Variants in PPP1CC observed in about 807,000 individuals in gnomAD.
PPP1CC encodes protein phosphatase 1 catalytic subunit gamma.
PPP1CC carries 16 observed loss-of-function variants against 38.4 expected under a neutral mutation model. The observed-to-expected ratio is 0.42, with a 90% CI of 0.28 to 0.63. The LOEUF (loss-of-function observed/expected upper bound fraction) is 0.63, where lower values mean the gene tolerates loss of function less well. Ranked by LOEUF, PPP1CC falls within the 30% of genes least tolerant of loss-of-function variation. The probability of loss-of-function intolerance (pLI) is 0.25; values close to 1 mark genes in which losing one functional copy is unlikely to be tolerated. For missense variants in PPP1CC, 170 were observed against 391.3 expected (o/e 0.43, Z 4.77); for synonymous variants, 158 against 136.0 (o/e 1.16, Z -1.13).
downstream of PPP1CC, among the ~76,000 whole-genome samples, chr12:110,717,659 G>A (rs1173062883): frequency 6.6e-6 from 1 of 151,888 alleles, no homozygotes; most frequent in African/African-American, 2.4e-5. Flanking sequence ...GCCTCCCAAA[G>A]TGCTGGGATT....
At chr12:110,717,016 G>A (rs1004744961), downstream of PPP1CC, among the ~76,000 whole-genome samples, 3 of 152,200 alleles carry the variant, frequency 2.0e-5, no homozygotes, top group African/African-American at 7.2e-5. Flanking sequence ...AGTGACTTCT[G>A]CCTGTGCCTG....
rs971550085 is a variant in PPP1CC at position 110,736,479 on chromosome 12, A to G, written c.56-4578T>C. 7.9e-5 allele frequency among the ~76,000 whole-genome samples: 12 copies of G among 152,210 alleles called. 1 individual carries two copies. The highest frequency in any genetic ancestry group is 4.6e-4 in the Admixed American group (7 of 15,278). The stretch of plus-strand genomic sequence containing the variant: ...GGCAACATGGTGAAATTGAGTCTCT[A>G]CCAAAAATACAAAATATAGCTGGAC... On this transcript the variant is annotated intron_variant, in intron 1 of 6. Transcript: ENST00000335007.
At position 110,742,832 on chromosome 12, in the gene PPP1CC, C is replaced by T; in HGVS notation, c.-125G>A. 1 of 606,258 alleles carries T rather than the reference C, an allele frequency of 1.6e-6. No homozygotes were observed. The highest frequency in any genetic ancestry group is 2.5e-6 in the Non-Finnish European group (1 of 406,296). 37.6% of individuals were successfully genotyped at this position (606,258 alleles called of 1,614,324 possible). A position where few individuals can be genotyped will look rare whatever the true frequency, so the allele number is the denominator to read the frequency against. ...GGCGGTGGCAGCAGCCGCGGCGGGTCCCCCCCCTGCCACCCCGCTCCCTAC... is the reference window on the plus strand; with the variant it reads ...GGCGGTGGCAGCAGCCGCGGCGGGTTCCCCCCCTGCCACCCCGCTCCCTAC... On this transcript the variant is annotated 5_prime_UTR_variant, in exon 1 of 7. Transcript: ENST00000335007.
downstream of PPP1CC, among the ~76,000 whole-genome samples, chr12:110,718,287 A>T (rs761790445): frequency 2.6e-5 from 4 of 152,212 alleles, no homozygotes. Context: ...TAGATGATTG[A>T]GCGACTAAGG....
At chr12:110,737,845 G>A (rs2069965591) in intron 1 of PPP1CC, among the ~76,000 whole-genome samples, 1 of 152,174 alleles carries the variant, frequency 6.6e-6, no homozygotes, top group Non-Finnish European at 1.5e-5. Flanking sequence ...CTAGCCAAGA[G>A]GATGAGGAGG....
downstream of PPP1CC, among the ~76,000 whole-genome samples, chr12:110,716,456 G>A (rs1566078757): frequency 2.0e-5 from 3 of 151,724 alleles, no homozygotes; most frequent in African/African-American, 7.3e-5. Flanking sequence ...AGGTTCAAGC[G>A]ATTCTCCTGC....
intron 3 of PPP1CC, among the ~76,000 whole-genome samples, chr12:110,727,243 G>A (rs1435326704): frequency 2.0e-5 from 3 of 152,112 alleles, no homozygotes; most frequent in East Asian, 1.9e-4. Context: ...GAGCTACCAC[G>A]CCCCGGCTTT....
Position 110,742,885 on chromosome 12 carries a change from C to T in PPP1CC, c.-178G>A. 1 of 425,184 alleles carries T rather than the reference C, an allele frequency of 2.4e-6. No homozygotes were observed. Among genetic ancestry groups the T allele is most frequent in the Non-Finnish European group, 4.1e-6 (1 of 246,038 alleles). 26.3% of individuals were successfully genotyped at this position (425,184 alleles called of 1,614,324 possible). On this transcript the variant is annotated 5_prime_UTR_variant, in exon 1 of 7. It adds an upstream start codon to the 5' untranslated region. Coordinates refer to ENST00000335007, the MANE Select transcript of PPP1CC (RefSeq NM_002710.4). ...CCTCCTTCTCTCCCCACTGGAACCA[C>T]GAGAAGAACAAAATGGCCGCCGACT... is the stretch of plus-strand genomic sequence containing the variant.
intron 1 of PPP1CC, among the ~76,000 whole-genome samples, chr12:110,742,192 C>A (rs570754637): frequency 2.6e-5 from 4 of 152,248 alleles, no homozygotes; most frequent in Admixed American, 6.5e-5. Flanking sequence ...AGGAAAAGAG[C>A]CCCCAAACCC....
At chr12:110,741,213 G>A (rs1252184906) in intron 1 of PPP1CC, among the ~76,000 whole-genome samples, 2 of 151,354 alleles carry the variant, frequency 1.3e-5, no homozygotes, top group East Asian at 1.9e-4. Flanking sequence ...TTTAAAGACA[G>A]CATAAAAGGA....
chr12:110,737,285 C>A (rs1400476308), intron 1 of PPP1CC, among the ~76,000 whole-genome samples: 2 of 151,442 alleles, frequency 1.3e-5, no homozygotes, highest in African/African-American at 4.9e-5. Context: ...TGAGACCAGC[C>A]TGGCCAACAT....
chr12:110,739,220 A>G (rs963699811), intron 1 of PPP1CC, among the ~76,000 whole-genome samples: 1 of 152,112 alleles, frequency 6.6e-6, no homozygotes, highest in Admixed American at 6.5e-5. Context: ...AGACACCAAA[A>G]TCGCTTGAAC....
chr12:110,715,960 T>G (rs1217126860), downstream of PPP1CC, among the ~76,000 whole-genome samples: 1 of 152,120 alleles, frequency 6.6e-6, no homozygotes, highest in Non-Finnish European at 1.5e-5. Flanking sequence ...GCTTTATTGC[T>G]CCTGCGGTAT....
the PPP1CC span, among the ~76,000 whole-genome samples, chr12:110,711,889 C>T: frequency 6.6e-6 from 1 of 152,050 alleles, no homozygotes; most frequent in Non-Finnish European, 1.5e-5. Context: ...CGCACCATTG[C>T]ACTCCAGCCT....
chr12:110,742,743 G>T lies in PPP1CC; in HGVS notation c.-36C>A. On this transcript the variant is annotated 5_prime_UTR_variant, in exon 1 of 7. Coordinates refer to ENST00000335007, the MANE Select transcript of PPP1CC (RefSeq NM_002710.4). ...CCGCCGACCCTCCCGCAGCGGCGCC[G>T]CCGCCGGCTCGCGCCCGGGACTCAC... The T allele has an allele frequency of 7.3e-7, 1 of 1,377,046 alleles. No homozygotes were observed. Among genetic ancestry groups the T allele is most frequent in the South Asian group, 1.8e-5 (1 of 54,876 alleles). 85.3% of individuals were successfully genotyped at this position (1,377,046 alleles called of 1,614,324 possible). A position where few individuals can be genotyped will look rare whatever the true frequency, so the allele number is the denominator to read the frequency against.
At chr12:110,738,799 A>G (rs1287866632) in intron 1 of PPP1CC, among the ~76,000 whole-genome samples, 2 of 152,184 alleles carry the variant, frequency 1.3e-5, no homozygotes, top group South Asian at 2.1e-4. Flanking sequence ...GGGCACAAGG[A>G]GAGTAATCCT....
In PPP1CC at chr12:110,720,583, C is replaced by A. The variant is rs1196088047; in HGVS notation, c.*493G>T. The A allele has an allele frequency of 3.4e-5, 7 of 204,268 alleles. No individual in the cohort carries two copies. Among genetic ancestry groups the A allele is most frequent in the Non-Finnish European group, 6.9e-5 (7 of 100,818 alleles). The allele number at this position is 204,268 out of a possible 1,614,324, so 12.7% of individuals were successfully genotyped here. A position where few individuals can be genotyped will look rare whatever the true frequency, so the allele number is the denominator to read the frequency against. The stretch of plus-strand genomic sequence containing the variant: ...AAAAACTAGTTTGTACATAACAAGA[C>A]AATGAGAGGAAAAAGCAATCCCTTT... On this transcript the variant is annotated 3_prime_UTR_variant, in exon 7 of 7. Transcript: ENST00000335007.
chr12:110,729,718 G>C (rs768353696), intron 3 of PPP1CC, among the ~76,000 whole-genome samples: 2 of 152,216 alleles, frequency 1.3e-5, no homozygotes, highest in African/African-American at 4.8e-5. Flanking sequence ...CGTATTGCAA[G>C]ATTCCATTTG....
chr12:110,742,830 G>GT lies in PPP1CC; in HGVS notation c.-124dup, dbSNP rs1555245408. 1.4e-6 allele frequency: 1 copy of GT among 725,656 alleles called. No homozygotes were observed. The highest frequency in any genetic ancestry group is 3.4e-5 in the East Asian group (1 of 29,322). The allele number at this position is 725,656 out of a possible 1,614,324, so 45.0% of individuals were successfully genotyped here. A position where few individuals can be genotyped will look rare whatever the true frequency, so the allele number is the denominator to read the frequency against. ...GCGGCGGTGGCAGCAGCCGCGGCGG[G>GT]TCCCCCCCCTGCCACCCCGCTCCCT... On this transcript the variant is annotated 5_prime_UTR_variant, in exon 1 of 7. Coordinates refer to ENST00000335007, the MANE Select transcript of PPP1CC (RefSeq NM_002710.4).
Sources: allele counts gnomAD v4.1 joint callset (sites outside exome capture counted in the v4.1 genomes callset), GRCh38; gene constraint gnomAD v4.1.1; transcripts MANE v1.5; gene names NCBI Gene and HGNC (gene_info 2026-07-23, HGNC 2026-07-21).